Variants in ERGIC1 observed in about 807,000 individuals in gnomAD.
ERGIC1 encodes the protein endoplasmic reticulum-Golgi intermediate compartment protein 1.
Under a neutral mutation model 38.3 loss-of-function variants are expected in ERGIC1, and 19 were observed. That is an observed-to-expected ratio of 0.50 (90% CI 0.35 to 0.73). The LOEUF (loss-of-function observed/expected upper bound fraction) is 0.73. Ranked by LOEUF, ERGIC1 falls within the 30% of genes least tolerant of loss-of-function variation. The pLI, the probability that ERGIC1 is intolerant of heterozygous loss-of-function variation, is 0.01. For synonymous variants in ERGIC1, 124 were observed against 157.6 expected (o/e 0.79, Z 1.60); for missense variants, 294 against 389.2 (o/e 0.76, Z 2.06).
At chr5:172,857,983 C>T (rs757450599) in intron 1 of ERGIC1, among the ~76,000 whole-genome samples, 15 of 152,082 alleles carry the variant, frequency 9.9e-5, no homozygotes, top group Non-Finnish European at 1.9e-4. Flanking sequence ...TAGCCCCTGC[C>T]CTCATGGAGT....
At chr5:172,898,396 C>T (rs1289498388) in intron 3 of ERGIC1, 3 of 152,348 alleles carry the variant, frequency 2.0e-5, no homozygotes, top group African/African-American at 7.2e-5. Context: ...CCCTGCCTAT[C>T]TCCCTAGCCC....
In ERGIC1 at chr5:172,935,327, A is replaced by G. The variant is rs759650541; in HGVS notation, c.765+17A>G. 6.2e-7 allele frequency: 1 copy of G among 1,613,874 alleles called. No homozygotes were observed. Among genetic ancestry groups the G allele is most frequent in the Non-Finnish European group, 8.5e-7 (1 of 1,179,972 alleles). ...ATCACCACGGTGAGTGGCCTGGGGC[A>G]GTGGGTGGGGCCCTGAGCCAGCCAC... On this transcript the variant is annotated intron_variant, in intron 9 of 9. Coordinates refer to ENST00000393784, the MANE Select transcript of ERGIC1 (RefSeq NM_001031711.3).
chr5:172,899,038 G>A (rs984259883), intron 3 of ERGIC1, among the ~76,000 whole-genome samples: 5 of 152,160 alleles, frequency 3.3e-5, no homozygotes, highest in African/African-American at 1.2e-4. Context: ...GACCTGCTTG[G>A]CTTGGCAGGC....
chr5:172,894,039 C>T (rs1238780305), intron 2 of ERGIC1, among the ~76,000 whole-genome samples: 1 of 133,388 alleles, frequency 7.5e-6, no homozygotes, highest in Non-Finnish European at 1.6e-5. Context: ...TTTTTTTATA[C>T]AGCTGGATTT....
chr5:172,946,635 C>G (rs945255892), intron 9 of ERGIC1, among the ~76,000 whole-genome samples: 2 of 152,214 alleles, frequency 1.3e-5, no homozygotes, highest in African/African-American at 4.8e-5. Context: ...CCAGCCACTT[C>G]CCTGAGCGAG....
rs143093308 is a variant in ERGIC1, at chr5:172,926,842, C to A, written c.541+273C>A. The A allele has an allele frequency of 1.4e-4, 66 of 476,222 alleles. No individual in the cohort carries two copies. In the East Asian group the frequency reaches 2.4e-3, roughly 17 times the overall value. 29.5% of individuals were successfully genotyped at this position (476,222 alleles called of 1,614,324 possible). On this transcript the variant is annotated intron_variant, in intron 7 of 9. Coordinates refer to ENST00000393784, the MANE Select transcript of ERGIC1 (RefSeq NM_001031711.3). The surrounding 1 kb of genome is among the most constrained non-coding windows in gnomAD (Gnocchi z 5.2). ...CAGCTATTACCATTATTGTTGCTCT[C>A]ATCACAGCCACATCATCATCCTTAG... is the stretch of plus-strand genomic sequence containing the variant.
intron 1 of ERGIC1, among the ~76,000 whole-genome samples, chr5:172,849,642 T>G (rs2113534023): frequency 6.6e-6 from 1 of 152,292 alleles, no homozygotes; most frequent in South Asian, 2.1e-4. Context: ...CTCTTCTGAA[T>G]TTGAATCCCT....
At chr5:172,913,011 C>T (rs912829833) in intron 4 of ERGIC1, among the ~76,000 whole-genome samples, 4 of 152,214 alleles carry the variant, frequency 2.6e-5, no homozygotes, top group South Asian at 2.1e-4. Flanking sequence ...TCAAGTTATC[C>T]GCCCACCTTG....
chr5:172,838,216 A>G (rs1487067580), intron 1 of ERGIC1, among the ~76,000 whole-genome samples: 1 of 152,234 alleles, frequency 6.6e-6, no homozygotes, highest in Admixed American at 6.5e-5. Context: ...GTGCAATGCA[A>G]CTTGCAATGC....
At chr5:172,882,881 G>A (rs1012213090) in intron 1 of ERGIC1, among the ~76,000 whole-genome samples, 3 of 152,080 alleles carry the variant, frequency 2.0e-5, no homozygotes, top group African/African-American at 4.8e-5. Flanking sequence ...TGCCTACAAG[G>A]ACCAGCCATA....
intron 1 of ERGIC1, among the ~76,000 whole-genome samples, chr5:172,855,234 TG>T (rs1468350985): frequency 6.6e-6 from 1 of 151,956 alleles, no homozygotes; most frequent in Non-Finnish European, 1.5e-5. Context: ...AGGAGAGCAG[TG>T]GGGGTGGGAG....
intron 1 of ERGIC1, among the ~76,000 whole-genome samples, chr5:172,875,501 T>C (rs1762122120): frequency 6.6e-6 from 1 of 151,562 alleles, no homozygotes; most frequent in Non-Finnish European, 1.5e-5. Context: ...GTCAGAGCAA[T>C]GGTATATGGC....
intron 1 of ERGIC1, among the ~76,000 whole-genome samples, chr5:172,868,939 C>G (rs1324293844): frequency 1.3e-5 from 2 of 152,236 alleles, no homozygotes; most frequent in Non-Finnish European, 2.9e-5. Flanking sequence ...GCCACCACAA[C>G]CCCCAGCAGT....
At chr5:172,882,551 G>A (rs1318772220) in intron 1 of ERGIC1, among the ~76,000 whole-genome samples, 1 of 152,140 alleles carries the variant, frequency 6.6e-6, no homozygotes, top group African/African-American at 2.4e-5. Context: ...GCCACTCACT[G>A]GCTTGGTGAC....
chr5:172,864,620 C>CT (rs1390105588), intron 1 of ERGIC1, among the ~76,000 whole-genome samples: 33 of 145,882 alleles, frequency 2.3e-4, no homozygotes, highest in Admixed American at 1.2e-3. Context: ...TAGGGGCTGT[C>CT]TTTTTTTTTT....
chr5:172,928,198 G>A (rs1455005910), intron 7 of ERGIC1, among the ~76,000 whole-genome samples: 10 of 152,210 alleles, frequency 6.6e-5, no homozygotes, highest in African/African-American at 2.4e-4. Flanking sequence ...AAGGCCCAGA[G>A]TGTGCAAGCA....
intron 1 of ERGIC1, among the ~76,000 whole-genome samples, chr5:172,873,089 C>G (rs1330473010): frequency 6.6e-6 from 1 of 152,268 alleles, no homozygotes; most frequent in Non-Finnish European, 1.5e-5. Flanking sequence ...CGGAATAGCT[C>G]CTGCCGCTCA....
chr5:172,947,790 A>G (rs1282411511), intron 9 of ERGIC1, among the ~76,000 whole-genome samples: 1 of 152,032 alleles, frequency 6.6e-6, no homozygotes, highest in African/African-American at 2.4e-5. Flanking sequence ...CAGCCCCATG[A>G]AAGGAGAGTT....
rs1764216815 is a variant in ERGIC1, at chr5:172,950,872, T to C, written c.*56T>C. On this transcript the variant is annotated 3_prime_UTR_variant, in exon 10 of 10. Coordinates refer to ENST00000393784, the MANE Select transcript of ERGIC1 (RefSeq NM_001031711.3). ...TGGGCATCGCCAGCCTTGCCTCCAG[T>C]GCCCTGTCTCCTTTGGCCCTCAATC... 1.4e-5 allele frequency: 21 copies of C among 1,491,190 alleles called. No individual in the cohort carries two copies. The South Asian group carries it at 2.2e-4, about 16-fold the overall frequency. 92.4% of individuals were successfully genotyped at this position (1,491,190 alleles called of 1,614,324 possible).
Sources: gnomAD v4.1 joint callset for allele counts (sites outside exome capture counted in the v4.1 genomes callset) on GRCh38, gnomAD v4.1.1 for gene constraint, Gnocchi (gnomAD v3.1) non-coding constraint, MANE v1.5 for transcripts, NCBI Gene and HGNC (gene_info 2026-07-23, HGNC 2026-07-21) for gene names.